The following LRRC2 variants were observed in gnomAD, a reference collection of about 807,000 sequenced individuals.
The protein encoded by LRRC2 is leucine rich repeat containing 2, also known as leucine-rich repeat-containing protein 2.
LRRC2 carries 27 observed loss-of-function variants against 40.2 expected under a neutral mutation model. That is an observed-to-expected ratio of 0.67 (90% CI 0.49 to 0.93). LRRC2 has a LOEUF of 0.93. Among genes scored for constraint, LRRC2 ranks in the 40% least tolerant of loss-of-function variants. The pLI, the probability that LRRC2 is intolerant of heterozygous loss-of-function variation, is 0.00. For synonymous variants in LRRC2, 147 were observed against 158.9 expected (o/e 0.92, Z 0.56); for missense variants, 402 against 439.6 (o/e 0.91, Z 0.76).
intron 4 of LRRC2, 50 bp downstream of exon 4, chr3:46,538,995 T>C: frequency 6.4e-7 from 1 of 1,574,062 alleles, no homozygotes; most frequent in Middle Eastern, 1.7e-4. Context: ...GCCTGACAGC[T>C]GCCTGCTTAA....
At chr3:46,533,660 C>G (rs572598409) in intron 4 of LRRC2, among the ~76,000 whole-genome samples, 3 of 151,936 alleles carry the variant, frequency 2.0e-5, no homozygotes, top group South Asian at 2.1e-4. Context: ...TAGACTACTG[C>G]ACTGAAAATG....
chr3:46,529,582 A>G (rs1704122469), intron 6 of LRRC2, among the ~76,000 whole-genome samples: 1 of 152,216 alleles, frequency 6.6e-6, no homozygotes, highest in Admixed American at 6.5e-5. Flanking sequence ...ATATGTTTCT[A>G]TTCTATACTT....
At chr3:46,556,464 T>A (rs774460070) in intron 1 of LRRC2, among the ~76,000 whole-genome samples, 1 of 152,088 alleles carries the variant, frequency 6.6e-6, no homozygotes, top group Non-Finnish European at 1.5e-5. Flanking sequence ...GGTTAATTAT[T>A]ATATCTGGGC....
chr3:46,540,523 TCA>T (rs1704364582), intron 3 of LRRC2, among the ~76,000 whole-genome samples: 1 of 128,744 alleles, frequency 7.8e-6, no homozygotes. Flanking sequence ...AGACTCCATC[TCA>T]AAAAAAAAAA....
intron 6 of LRRC2, among the ~76,000 whole-genome samples, 182 bp downstream of exon 6, chr3:46,529,723 G>T (rs982312989): frequency 2.0e-5 from 3 of 152,224 alleles, no homozygotes; most frequent in African/African-American, 7.2e-5. Context: ...ATACATGTAT[G>T]ATGCAGACTG....
At chr3:46,547,907 T>C (rs192623916) in intron 2 of LRRC2, among the ~76,000 whole-genome samples, 4 of 152,298 alleles carry the variant, frequency 2.6e-5, no homozygotes, top group African/African-American at 7.2e-5. Context: ...TACCTGTAGA[T>C]TTAGATCTTA....
chr3:46,527,309 G>A, intron 7 of LRRC2, 117 bp downstream of exon 7: 1 of 1,075,196 alleles, frequency 9.3e-7, no homozygotes, highest in Non-Finnish European at 1.4e-6. Context: ...GTTGGGATCA[G>A]GTTCTCAGAG....
At chr3:46,520,866 C>G (rs1703952151) in intron 8 of LRRC2, among the ~76,000 whole-genome samples, 1 of 152,312 alleles carries the variant, frequency 6.6e-6, no homozygotes, top group South Asian at 2.1e-4. Context: ...CTGATGTATG[C>G]CTTTTTCCTG....
At chr3:46,524,931 A>G (rs1347702890) in intron 7 of LRRC2, among the ~76,000 whole-genome samples, 1 of 152,174 alleles carries the variant, frequency 6.6e-6, no homozygotes, top group African/African-American at 2.4e-5. Context: ...AGTCATTCAT[A>G]CTTTCCCCAG....
Position 46,517,278 on chromosome 3 carries a change from G to GTTTTTTTTTT in LRRC2, c.*1735_*1736insAAAAAAAAAA, listed in dbSNP as rs757964786. ...TCCTTCTTAGTCACAAAAGCTGCTT[G>GTTTTTTTTTT]TTTTTGTTTTTTTTTTTTTAGTTAT... On this transcript the variant is annotated 3_prime_UTR_variant, in exon 9 of 9. Transcript: ENST00000395905. The GTTTTTTTTTT allele has an allele frequency of 1.7e-5, 2 of 116,044 alleles. No homozygotes were observed. The highest frequency in any genetic ancestry group is 5.5e-5 in the African/African-American group (2 of 36,382). The allele number at this position is 116,044 out of a possible 1,614,324, so 7.2% of individuals were successfully genotyped here.
intron 1 of LRRC2, among the ~76,000 whole-genome samples, chr3:46,562,714 A>G (rs908180702): frequency 1.3e-5 from 2 of 150,900 alleles, no homozygotes. Flanking sequence ...ATAATCTAGA[A>G]GATCTAGAAG....
At position 46,532,750 on chromosome 3, in the gene LRRC2, G is replaced by A; in HGVS notation, c.627+23C>T. On this transcript the variant is annotated intron_variant, in intron 5 of 8. Coordinates refer to ENST00000395905, the MANE Select transcript of LRRC2 (RefSeq NM_024512.5). ...ATAAACCAAATAAAAGTGAATCGTA[G>A]TACAGAAATGTTTATCTCTTACTTC... is the stretch of plus-strand genomic sequence containing the variant. 2.5e-6 allele frequency: 4 copies of A among 1,608,234 alleles called. 1 individual carries two copies. The South Asian group carries it at 4.4e-5, about 18-fold the overall frequency.
chr3:46,556,531 G>A (rs531246942), intron 1 of LRRC2, among the ~76,000 whole-genome samples: 31 of 147,948 alleles, frequency 2.1e-4, no homozygotes, highest in African/African-American at 7.7e-4. Flanking sequence ...TTAATCACTT[G>A]GTTTATATCT....
At chr3:46,538,442 C>T (rs1282089458) in intron 4 of LRRC2, among the ~76,000 whole-genome samples, 1 of 152,026 alleles carries the variant, frequency 6.6e-6, no homozygotes, top group Non-Finnish European at 1.5e-5. Flanking sequence ...TGAGACCAGC[C>T]TGGTCAACAT....
chr3:46,547,665 C>T (rs1390510353), intron 2 of LRRC2, among the ~76,000 whole-genome samples: 1 of 138,152 alleles, frequency 7.2e-6, no homozygotes, highest in African/African-American at 2.7e-5. Context: ...AAAAAAATTA[C>T]AAGAAAAAAA....
chr3:46,564,924 C>A (rs1705025727), intron 1 of LRRC2, among the ~76,000 whole-genome samples: 1 of 152,192 alleles, frequency 6.6e-6, no homozygotes, highest in Admixed American at 6.5e-5. Context: ...AATATGACAA[C>A]CAAGGAGCTT....
intron 1 of LRRC2, among the ~76,000 whole-genome samples, chr3:46,555,354 C>T (rs1344612807): frequency 6.6e-6 from 1 of 152,072 alleles, no homozygotes; most frequent in Non-Finnish European, 1.5e-5. Context: ...ATATTTAATA[C>T]ACTTACTTGT....
At chr3:46,556,293 T>TA (rs916252389) in intron 1 of LRRC2, among the ~76,000 whole-genome samples, 1 of 151,886 alleles carries the variant, frequency 6.6e-6, no homozygotes, top group Admixed American at 6.6e-5. Context: ...CTAATTTTTT[T>TA]AAAAAAATAT....
At chr3:46,521,382 G>A (rs769206113) in intron 8 of LRRC2, 140 bp downstream of exon 8, 41 of 621,760 alleles carry the variant, frequency 6.6e-5, no homozygotes, top group Non-Finnish European at 1.0e-4. Flanking sequence ...GTGTTGGAGG[G>A]TAAATGGAAA....
Sources: gnomAD v4.1 joint callset for allele counts (sites outside exome capture counted in the v4.1 genomes callset) on GRCh38, gnomAD v4.1.1 for gene constraint, MANE v1.5 for transcripts, NCBI Gene and HGNC (gene_info 2026-07-23, HGNC 2026-07-21) for gene names.